Variants in ZNF704 observed in about 807,000 individuals in gnomAD.
The protein encoded by ZNF704 is zinc finger protein 704, also known as glucocorticoid induced gene 1.
ZNF704 carries 10 observed loss-of-function variants against 44.7 expected under a neutral mutation model. The observed-to-expected ratio is 0.22, with a 90% confidence interval of 0.14 to 0.38. The LOEUF (loss-of-function observed/expected upper bound fraction) is 0.38, where lower values mean the gene tolerates loss of function less well. Among genes scored for constraint, ZNF704 ranks in the 10% least tolerant of loss-of-function variants. The pLI is 1.00. For synonymous variants in ZNF704, 211 were observed against 207.6 expected, an observed-to-expected ratio of 1.02 and a Z score of -0.14; for missense variants, 390 against 545.5, an observed-to-expected ratio of 0.71 and a Z score of 2.84.
At chr8:80,721,760 T>G (rs969808142) in intron 2 of ZNF704, among the ~76,000 whole-genome samples, 3 of 152,194 alleles carry the variant, frequency 2.0e-5, no homozygotes, top group African/African-American at 7.2e-5. Context: ...ACACTTATAG[T>G]CCAGTGGAAG....
intron 2 of ZNF704, among the ~76,000 whole-genome samples, chr8:80,740,746 C>T (rs1360752090): frequency 6.6e-6 from 1 of 152,186 alleles, no homozygotes; most frequent in Admixed American, 6.5e-5. Flanking sequence ...CTTTGAAGAT[C>T]CTTCAAACCC....
Position 80,632,325 on chromosome 8 carries a change from A to G in ZNF704, c.*9041T>C, listed in dbSNP as rs1029012351. 4 of 152,044 alleles carry G rather than the reference A, an allele frequency of 2.6e-5. No homozygotes were observed. The highest frequency in any genetic ancestry group is 9.7e-5 in the African/African-American group (4 of 41,386). 9.4% of individuals were successfully genotyped at this position (152,044 alleles called of 1,614,324 possible). On this transcript the variant is annotated 3_prime_UTR_variant, in exon 9 of 9. Coordinates refer to ENST00000327835, the MANE Select transcript of ZNF704 (RefSeq NM_001033723.3). ...CAGGTGTGCGCCACCACGCCCGACT[A>G]ATTTTTGTATTTTTAGTAAAGACAG... is the stretch of plus-strand genomic sequence containing the variant.
Position 80,636,089 on chromosome 8 carries a change from GAAGTA to G in ZNF704, c.*5272_*5276del, listed in dbSNP as rs1353734098. On this transcript the variant is annotated 3_prime_UTR_variant, in exon 9 of 9. Coordinates refer to ENST00000327835, the MANE Select transcript of ZNF704 (RefSeq NM_001033723.3). ...TGTAAAATATTTCCAGTTAACTTGA[GAAGTA>G]GAGTACTGACGCTTATTACCAAAGT... The G allele has an allele frequency of 2.0e-5, 3 of 152,180 alleles. No individual in the cohort carries two copies. Among genetic ancestry groups the G allele is most frequent in the East Asian group, 3.9e-4 (2 of 5,194 alleles). The allele number at this position is 152,180 out of a possible 1,614,324, so 9.4% of individuals were successfully genotyped here.
At chr8:80,694,376 A>T (rs191188189) in intron 2 of ZNF704, 4 of 152,270 alleles carry the variant, frequency 2.6e-5, no homozygotes, top group East Asian at 3.9e-4. Flanking sequence ...TATTTCAATA[A>T]AGGAGGTAAA....
chr8:80,847,486 T>C lies in ZNF704; in HGVS notation c.-21-25871A>G, dbSNP rs113075421. Among the ~76,000 whole-genome samples the C allele has an allele frequency of 3.7e-3, 561 of 152,240 alleles. 2 individuals are homozygous for C. The highest frequency in any genetic ancestry group is 0.013 in the African/African-American group (542 of 41,546). ...ACAGACATGCTTGTTCTAAAATGCA[T>C]ATGGAAAGGCACAGGACCTAGAAAA... On this transcript the variant is annotated intron_variant, in intron 1 of 8. Coordinates refer to ENST00000327835, the MANE Select transcript of ZNF704 (RefSeq NM_001033723.3).
chr8:80,822,049 C>T (rs563436236), intron 1 of ZNF704, among the ~76,000 whole-genome samples: 31 of 152,224 alleles, frequency 2.0e-4, no homozygotes, highest in African/African-American at 7.0e-4. Flanking sequence ...TGGTCTTAAC[C>T]ACACTCTGTA....
intron 1 of ZNF704, among the ~76,000 whole-genome samples, chr8:80,853,238 T>C (rs1158852087): frequency 1.3e-5 from 2 of 152,160 alleles, no homozygotes; most frequent in Admixed American, 6.5e-5. Flanking sequence ...TGGTGGTGTG[T>C]TCCTGTAATC....
chr8:80,795,525 G>A (rs763967569), intron 2 of ZNF704, among the ~76,000 whole-genome samples: 17 of 151,868 alleles, frequency 1.1e-4, no homozygotes, highest in Non-Finnish European at 2.2e-4. Flanking sequence ...TTGAAAATAC[G>A]CTTTTACATT....
chr8:80,776,770 T>C (rs751602419), intron 2 of ZNF704: 2 of 152,190 alleles, frequency 1.3e-5, no homozygotes, highest in Non-Finnish European at 2.9e-5. Flanking sequence ...TATTTTCAAC[T>C]TGTGCCATTT....
chr8:80,806,881 C>T (rs1049864873), intron 2 of ZNF704, among the ~76,000 whole-genome samples: 3 of 152,212 alleles, frequency 2.0e-5, no homozygotes, highest in Admixed American at 2.0e-4. Flanking sequence ...AATATAGGGC[C>T]ATACTGTCCT....
chr8:80,808,554 G>C (rs1307993139), intron 2 of ZNF704, among the ~76,000 whole-genome samples: 1 of 152,138 alleles, frequency 6.6e-6, no homozygotes, highest in Non-Finnish European at 1.5e-5. Flanking sequence ...ACATGAAGGA[G>C]AACACAATTC....
chr8:80,830,979 C>T (rs1808463332), intron 1 of ZNF704, among the ~76,000 whole-genome samples: 1 of 151,900 alleles, frequency 6.6e-6, no homozygotes, highest in Non-Finnish European at 1.5e-5. Context: ...TGGTCTTGAA[C>T]TCCTGACCTC....
chr8:80,872,090 TTCAG>T (rs1330240532), intron 1 of ZNF704, among the ~76,000 whole-genome samples: 1 of 152,196 alleles, frequency 6.6e-6, no homozygotes, highest in African/African-American at 2.4e-5. Flanking sequence ...AGGACACACT[TTCAG>T]TATTTCTGGA....
chr8:80,811,887 G>C (rs1020830394), intron 2 of ZNF704, among the ~76,000 whole-genome samples: 3 of 152,186 alleles, frequency 2.0e-5, no homozygotes, highest in African/African-American at 7.2e-5. Context: ...CCTCCTGTCA[G>C]ATCAGTGGTG....
intron 1 of ZNF704, among the ~76,000 whole-genome samples, chr8:80,853,094 A>G (rs577371745): frequency 1.9e-4 from 29 of 152,172 alleles, no homozygotes; most frequent in African/African-American, 5.3e-4. Flanking sequence ...TGAAAGGCGC[A>G]TTGGCTCACA....
At chr8:80,778,147 A>G (rs988218184) in intron 2 of ZNF704, among the ~76,000 whole-genome samples, 3 of 152,214 alleles carry the variant, frequency 2.0e-5, no homozygotes, top group Admixed American at 6.5e-5. Flanking sequence ...TCCAGCATCT[A>G]TAAGGAACTT....
intron 6 of ZNF704, 143 bp downstream of exon 6, chr8:80,664,672 C>G: frequency 1.0e-6 from 1 of 997,316 alleles, no homozygotes; most frequent in South Asian, 1.6e-5. Flanking sequence ...AGATCTTAGG[C>G]TTTAAAGGGA....
At chr8:80,709,473 A>C (rs973653025) in intron 2 of ZNF704, among the ~76,000 whole-genome samples, 1 of 146,960 alleles carries the variant, frequency 6.8e-6, no homozygotes, top group Non-Finnish European at 1.5e-5. Context: ...AAAAAAAAAA[A>C]GCAGTAATGG....
intron 7 of ZNF704, among the ~76,000 whole-genome samples, chr8:80,644,617 C>A (rs1817798285): frequency 6.6e-6 from 1 of 152,208 alleles, no homozygotes; most frequent in African/African-American, 2.4e-5. Context: ...TTACATGATC[C>A]CTGTAACAGC....
Sources: allele counts gnomAD v4.1 joint callset (sites outside exome capture counted in the v4.1 genomes callset), GRCh38; gene constraint gnomAD v4.1.1; transcripts MANE v1.5; gene names NCBI Gene and HGNC (gene_info 2026-07-23, HGNC 2026-07-21).